Variants in SLA2 observed in about 807,000 individuals in gnomAD.
The protein encoded by SLA2 is src-like-adapter 2.
In SLA2, 22 loss-of-function variants were observed where a neutral mutation model predicts 27.3. That is an observed-to-expected ratio of 0.81 (90% CI 0.58 to 1.15). SLA2 has a LOEUF of 1.15. Among genes scored for constraint, SLA2 ranks in the 50% most tolerant of loss-of-function variants. The pLI is 0.00. For synonymous variants in SLA2, 131 were observed against 137.8 expected (o/e 0.95, Z 0.34); for missense variants, 304 against 322.2 (o/e 0.94, Z 0.43).
At chr20:36,638,916 G>A (rs1309955057) in intron 2 of SLA2, among the ~76,000 whole-genome samples, 5 of 151,468 alleles carry the variant, frequency 3.3e-5, no homozygotes, top group African/African-American at 7.3e-5. Flanking sequence ...GTGTGATCTC[G>A]GCTCACTGCA....
intron 1 of SLA2, among the ~76,000 whole-genome samples, chr20:36,641,959 A>G (rs569716829): frequency 6.6e-6 from 1 of 150,796 alleles, no homozygotes; most frequent in African/African-American, 2.4e-5. Flanking sequence ...GGAGTTCAAG[A>G]CCAAGACCAG....
intron 5 of SLA2, among the ~76,000 whole-genome samples, chr20:36,627,397 C>A (rs1230905156): frequency 6.6e-6 from 1 of 152,146 alleles, no homozygotes; most frequent in Non-Finnish European, 1.5e-5. Flanking sequence ...CCCTCCTGAA[C>A]CTTCTCTGCT....
chr20:36,642,301 G>A (rs2039515084), intron 1 of SLA2, among the ~76,000 whole-genome samples: 1 of 144,278 alleles, frequency 6.9e-6, no homozygotes, highest in Admixed American at 7.1e-5. Flanking sequence ...CTGAAAAATG[G>A]GGATAACAAC....
At chr20:36,615,463 CA>C (rs2039199014) in intron 5 of SLA2, 89 bp from the exon 6 acceptor site, 2 of 1,535,882 alleles carry the variant, frequency 1.3e-6, no homozygotes, top group Non-Finnish European at 1.8e-6. Flanking sequence ...GCAACGTGAC[CA>C]TGGGGCCCCG....
intron 5 of SLA2, among the ~76,000 whole-genome samples, chr20:36,629,871 G>A (rs190204106): frequency 4.5e-3 from 691 of 151,964 alleles, no homozygotes; most frequent in Non-Finnish European, 7.5e-3. Flanking sequence ...CCAGGAGGCA[G>A]AGGCTGCACT....
intron 5 of SLA2, among the ~76,000 whole-genome samples, chr20:36,622,902 C>A (rs2039299076): frequency 2.0e-5 from 3 of 152,162 alleles, no homozygotes; most frequent in Admixed American, 2.0e-4. Flanking sequence ...CAGATCAGGA[C>A]CTGAACATTG....
At chr20:36,626,259 G>C (rs929666095) in intron 5 of SLA2, among the ~76,000 whole-genome samples, 1 of 152,010 alleles carries the variant, frequency 6.6e-6, no homozygotes, top group Admixed American at 6.6e-5. Context: ...GGGCGTGGTG[G>C]CACGCACCTG....
intron 5 of SLA2, among the ~76,000 whole-genome samples, chr20:36,626,854 A>AAG (rs2039344239): frequency 6.6e-6 from 1 of 152,106 alleles, no homozygotes; most frequent in Admixed American, 6.6e-5. Context: ...AAAAAAAAAA[A>AAG]AAAAAGAGGA....
Position 36,615,232 on chromosome 20 carries a change from A to G in SLA2, c.525T>C (p.His175=), listed in dbSNP as rs772799966. 6 of 1,614,138 alleles carry G rather than the reference A, an allele frequency of 3.7e-6. No homozygotes were observed. The highest frequency in any genetic ancestry group is 1.7e-5 in the Admixed American group (1 of 60,004). Residue 175 remains histidine, a synonymous_variant, in exon 6 of 8, where the codon CAT becomes CAC. Coordinates refer to ENST00000262866, the MANE Select transcript of SLA2 (RefSeq NM_032214.4). ...TFPSLQALVD[H]YSELADDICC... ...GGCAGGGAAAGGCCATACCAGAGTA[A>G]TGGTCCACCAGGGCCTGGAGTGAGG...
At chr20:36,618,190 T>TA (rs1157782391) in intron 5 of SLA2, among the ~76,000 whole-genome samples, 13 of 151,020 alleles carry the variant, frequency 8.6e-5, no homozygotes, top group Admixed American at 8.6e-4. Context: ...GGAAAAAAGA[T>TA]ATATCATGCA....
intron 5 of SLA2, among the ~76,000 whole-genome samples, chr20:36,619,697 C>G (rs956976808): frequency 1.3e-5 from 2 of 149,576 alleles, no homozygotes; most frequent in African/African-American, 4.9e-5. Context: ...GTGGCGCCAT[C>G]TCGGCTCACT....
chr20:36,621,172 G>C (rs1459832402), intron 5 of SLA2: 9 of 454,300 alleles, frequency 2.0e-5, no homozygotes, highest in Non-Finnish European at 3.9e-5. Context: ...AGCAAGATAT[G>C]AAAACCAAGG....
rs1052649197 is a variant in SLA2 at position 36,632,713 on chromosome 20, G to T, written c.279-15C>A. 2.7e-5 allele frequency: 44 copies of T among 1,608,636 alleles called. No homozygotes were observed. The highest frequency in any genetic ancestry group is 1.3e-5 in the Non-Finnish European group (15 of 1,176,062). On this transcript the variant is annotated splice_polypyrimidine_tract_variant and intron_variant, in intron 4 of 7. Coordinates refer to ENST00000262866, the MANE Select transcript of SLA2 (RefSeq NM_032214.4). ...CATACAGCCACCTGGCGGAGCGAAA[G>T]AGAGGGACAAGGGACAGGGTCAGCC...
chr20:36,622,094 T>C (rs6028406), intron 5 of SLA2, among the ~76,000 whole-genome samples: 3,965 of 151,158 alleles, frequency 0.026, 184 homozygotes, highest in African/African-American at 0.091. Flanking sequence ...CCGAGGCAGG[T>C]GGATCACCTG....
In SLA2 at chr20:36,632,725, G is replaced by A. The variant is rs1976913785; in HGVS notation, c.279-27C>T. 3 of 1,594,926 alleles carry A rather than the reference G, an allele frequency of 1.9e-6. No individual in the cohort carries two copies. In the South Asian group the frequency reaches 3.3e-5, roughly 18 times the overall value. On this transcript the variant is annotated intron_variant, in intron 4 of 7. Coordinates refer to ENST00000262866, the MANE Select transcript of SLA2 (RefSeq NM_032214.4). ...TGGCGGAGCGAAAGAGAGGGACAAG[G>A]GACAGGGTCAGCCTGGAGGAAGAGG...
At position 36,612,854 on chromosome 20, in the gene SLA2, A is replaced by AT. The variant is rs895090303; in HGVS notation, c.*1011dup. On this transcript the variant is annotated 3_prime_UTR_variant, in exon 8 of 8. Transcript: ENST00000262866. ...CAGTGTGCTAGACTTAAGAGGTGTT[A>AT]TTTTTTATTCGGCCACAAGATGGCA... is the stretch of plus-strand genomic sequence containing the variant. 6.5e-6 allele frequency: 1 copy of AT among 154,344 alleles called. No homozygotes were observed. Among genetic ancestry groups the AT allele is most frequent in the Admixed American group, 6.3e-5 (1 of 15,892 alleles). 9.6% of individuals were successfully genotyped at this position (154,344 alleles called of 1,614,324 possible).
chr20:36,614,637 CTG>C (rs1188476705), intron 6 of SLA2, 200 bp from the exon 7 acceptor site: 2 of 985,300 alleles, frequency 2.0e-6, no homozygotes, highest in African/African-American at 1.7e-5. Context: ...GAGACAGTCA[CTG>C]TATGATTTAG....
intron 5 of SLA2, among the ~76,000 whole-genome samples, chr20:36,622,767 C>T (rs879298230): frequency 2.6e-5 from 4 of 152,204 alleles, no homozygotes; most frequent in African/African-American, 7.2e-5. Flanking sequence ...ACCTCCCTCT[C>T]GTAAGCATCC....
chr20:36,632,485 G>T, intron 5 of SLA2, 110 bp downstream of exon 5: 1 of 806,862 alleles, frequency 1.2e-6, no homozygotes, highest in Non-Finnish European at 2.1e-6. Context: ...GGTTGACTGA[G>T]AAGTCAGGCA....
Sources: allele counts gnomAD v4.1 joint callset (sites outside exome capture counted in the v4.1 genomes callset), GRCh38; gene constraint gnomAD v4.1.1; transcripts MANE v1.5; gene names NCBI Gene and HGNC (gene_info 2026-07-23, HGNC 2026-07-21).